STXBP3: variants seen among roughly 807,000 people sequenced by gnomAD.
STXBP3 encodes syntaxin binding protein 3.
A neutral mutation model predicts 85.7 loss-of-function variants in STXBP3; 41 were observed. That is an observed-to-expected ratio of 0.48 (90% CI 0.37 to 0.62). STXBP3 has a LOEUF of 0.62. STXBP3 is among the 20% of genes least tolerant of loss of function. The probability of loss-of-function intolerance (pLI) is 0.00; values close to 1 mark genes in which losing one functional copy is unlikely to be tolerated. For synonymous variants in STXBP3, 229 were observed against 231.7 expected (o/e 0.99, Z 0.10); for missense variants, 563 against 703.1 (o/e 0.80, Z 2.25).
chr1:108,757,575 G>A (rs1371127514), intron 4 of STXBP3, among the ~76,000 whole-genome samples: 1 of 151,846 alleles, frequency 6.6e-6, no homozygotes, highest in African/African-American at 2.4e-5. Context: ...AATTGGCAGA[G>A]GGATTTAAAA....
At chr1:108,788,873 C>A (rs962772748) in intron 11 of STXBP3, among the ~76,000 whole-genome samples, 3 of 151,894 alleles carry the variant, frequency 2.0e-5, no homozygotes, top group Admixed American at 2.0e-4. Flanking sequence ...ACCAGTCTGG[C>A]CAACATGGTG....
At chr1:108,801,279 T>G (rs936136369) in intron 17 of STXBP3, among the ~76,000 whole-genome samples, 3 of 152,214 alleles carry the variant, frequency 2.0e-5, no homozygotes, top group African/African-American at 7.2e-5. Context: ...ACTGAATGTT[T>G]TTTTTTCCCC....
chr1:108,792,998 T>C (rs1003002678), intron 11 of STXBP3, among the ~76,000 whole-genome samples: 9 of 152,060 alleles, frequency 5.9e-5, no homozygotes, highest in African/African-American at 2.2e-4. Flanking sequence ...CCAGAAGTTG[T>C]TCTTTACTAC....
At chr1:108,770,197 G>C (rs901680233) in intron 6 of STXBP3, among the ~76,000 whole-genome samples, 1 of 152,010 alleles carries the variant, frequency 6.6e-6, no homozygotes, top group Admixed American at 6.6e-5. Context: ...GTGGGAGGCT[G>C]AAATTGAGGA....
intron 7 of STXBP3, among the ~76,000 whole-genome samples, chr1:108,773,553 C>T (rs541701290): frequency 6.6e-6 from 1 of 152,014 alleles, no homozygotes; most frequent in East Asian, 1.9e-4. Context: ...TTTTTTTGCC[C>T]AGTTATTCTA....
chr1:108,799,366 C>G (rs1394950434), intron 16 of STXBP3, among the ~76,000 whole-genome samples: 1 of 151,820 alleles, frequency 6.6e-6, no homozygotes, highest in Non-Finnish European at 1.5e-5. Flanking sequence ...TAAACATATT[C>G]CTAATCAGTT....
At chr1:108,770,355 G>A (rs1485510839) in intron 6 of STXBP3, among the ~76,000 whole-genome samples, 1 of 152,160 alleles carries the variant, frequency 6.6e-6, no homozygotes, top group Non-Finnish European at 1.5e-5. Flanking sequence ...ATCAGTGAGT[G>A]GGAGGGAGAA....
chr1:108,791,549 C>T (rs1271431762), intron 11 of STXBP3, among the ~76,000 whole-genome samples: 2 of 151,066 alleles, frequency 1.3e-5, no homozygotes, highest in Admixed American at 1.3e-4. Flanking sequence ...TTTTTAACCT[C>T]TCCGCATTGC....
At position 108,808,878 on chromosome 1, in the gene STXBP3, C is replaced by T. The variant is rs770465219; in HGVS notation, c.*1C>T. 2.5e-6 allele frequency: 4 copies of T among 1,593,280 alleles called. No homozygotes were observed. Among genetic ancestry groups the T allele is most frequent in the African/African-American group, 2.7e-5 (2 of 74,000 alleles). On this transcript the variant is annotated 3_prime_UTR_variant, in exon 19 of 19. Coordinates refer to ENST00000370008, the MANE Select transcript of STXBP3 (RefSeq NM_007269.4). ...AGTCTCCTTAATTAAAGATGAATAGCATTTCTTTTTGGAGGGTTTAGAGAT... is the reference window on the plus strand; with the variant it reads ...AGTCTCCTTAATTAAAGATGAATAGTATTTCTTTTTGGAGGGTTTAGAGAT...
chr1:108,761,325 T>C (rs1662138233), intron 6 of STXBP3, among the ~76,000 whole-genome samples: 1 of 139,628 alleles, frequency 7.2e-6, no homozygotes, highest in Admixed American at 6.9e-5. Flanking sequence ...AATATGTAAG[T>C]TTAGTATAGG....
At chr1:108,777,286 T>C (rs1243624430) in intron 8 of STXBP3, among the ~76,000 whole-genome samples, 2 of 151,840 alleles carry the variant, frequency 1.3e-5, no homozygotes, top group African/African-American at 4.8e-5. Flanking sequence ...TAAACTGGAG[T>C]GTTGGAAGGC....
At chr1:108,788,783 C>T (rs905551129) in intron 11 of STXBP3, among the ~76,000 whole-genome samples, 2 of 151,792 alleles carry the variant, frequency 1.3e-5, no homozygotes, top group Non-Finnish European at 2.9e-5. Flanking sequence ...CCCTGCAGTC[C>T]GGGCACGGTG....
At chr1:108,754,710 T>A (rs1348717929) in intron 3 of STXBP3, among the ~76,000 whole-genome samples, 2 of 152,162 alleles carry the variant, frequency 1.3e-5, no homozygotes, top group Admixed American at 1.3e-4. Flanking sequence ...TCCACAGCTT[T>A]CTTTAGGACT....
chr1:108,802,729 A>G lies in STXBP3; in HGVS notation c.1535+2424A>G, dbSNP rs75081191. On this transcript the variant is annotated intron_variant, in intron 17 of 18. Coordinates refer to ENST00000370008, the MANE Select transcript of STXBP3 (RefSeq NM_007269.4). ...AATGTTTTGTTTTGTTTTCCCCACA[A>G]TTTCATCCAGGAATATACTTGTTTT... Among the ~76,000 whole-genome samples the G allele has an allele frequency of 6.9e-3, 1,043 of 152,200 alleles. 12 individuals are homozygous for G. The highest frequency in any genetic ancestry group is 0.024 in the African/African-American group (998 of 41,540).
Position 108,796,317 on chromosome 1 carries a change from T to A in STXBP3, c.1194T>A (p.Asn398Lys). Residue 398 changes from asparagine to lysine, a missense_variant, in exon 14 of 19, where the codon AAT (asparagine) becomes AAA (lysine). This residue lies in a region of STXBP3 where 494 missense variants were observed against 592.8 expected (regional missense o/e 0.83). Transcript: ENST00000370008. ...TCCTTCCAGTTCTACTCAACAAAAA[T>A]CATGATAATTGTGATAAAATAAGAG... ...RVLLPVLLNK[N>K]HDNCDKIRAI... is the part of the protein sequence containing the mutation. The A allele has an allele frequency of 6.2e-7, 1 of 1,605,404 alleles. No individual in the cohort carries two copies. Among genetic ancestry groups the A allele is most frequent in the Non-Finnish European group, 8.5e-7 (1 of 1,172,180 alleles).
chr1:108,746,843 G>A, intron 1 of STXBP3, 57 bp downstream of exon 1: 1 of 1,529,380 alleles, frequency 6.5e-7, no homozygotes, highest in Non-Finnish European at 8.9e-7. Context: ...GCCGTGCCGG[G>A]CCTCGTTTTG....
In STXBP3 at chr1:108,772,824, GAC is replaced by G. The variant is rs1339483055; in HGVS notation, c.593+8_593+9del. 5 of 1,579,710 alleles carry G rather than the reference GAC, an allele frequency of 3.2e-6. No individual in the cohort carries two copies. The highest frequency in any genetic ancestry group is 4.3e-6 in the Non-Finnish European group (5 of 1,160,508). Reference sequence around the variant, plus strand: ...TCCCGGAGTAAGATATAAAAGGTAAGACACTGAGCATCTGCACATGTTATGCT... The same window carrying G: ...TCCCGGAGTAAGATATAAAAGGTAAGACTGAGCATCTGCACATGTTATGCT... On this transcript the variant is annotated splice_donor_region_variant and intron_variant, in intron 7 of 18. Coordinates refer to ENST00000370008, the MANE Select transcript of STXBP3 (RefSeq NM_007269.4).
chr1:108,772,270 ATCTG>A (rs1237142971), intron 6 of STXBP3, among the ~76,000 whole-genome samples: 1 of 78,012 alleles, frequency 1.3e-5, no homozygotes, highest in African/African-American at 5.0e-5. Context: ...TATGATATCT[ATCTG>A]TATCATATAT....
At chr1:108,778,527 G>A (rs540387925) in intron 8 of STXBP3, among the ~76,000 whole-genome samples, 1 of 152,258 alleles carries the variant, frequency 6.6e-6, no homozygotes, top group Admixed American at 6.5e-5. Flanking sequence ...TGTGTGATTT[G>A]GGCAAGTTAG....
Sources: allele counts gnomAD v4.1 joint callset (sites outside exome capture counted in the v4.1 genomes callset), GRCh38; gene constraint gnomAD v4.1.1; regional missense constraint gnomAD v4.1.1; transcripts MANE v1.5; gene names NCBI Gene and HGNC (gene_info 2026-07-23, HGNC 2026-07-21).